The following IQGAP2 variants were observed in gnomAD, a reference collection of about 807,000 sequenced individuals.
IQGAP2 encodes the protein IQ motif containing GTPase activating protein 2, also known as ras GTPase-activating-like protein IQGAP2.
A neutral mutation model predicts 201.3 loss-of-function variants in IQGAP2; 173 were observed. The ratio of observed to expected loss-of-function variants is 0.86; its 90% CI spans 0.76 to 0.98. IQGAP2 has a LOEUF of 0.98. IQGAP2 is among the 50% of genes least tolerant of loss of function. The probability of loss-of-function intolerance (pLI) is 0.00; values close to 1 mark genes in which losing one functional copy is unlikely to be tolerated. For missense variants in IQGAP2, 1,687 were observed against 1,864.8 expected, an observed-to-expected ratio of 0.90 and a Z score of 1.76; for synonymous variants, 675 against 673.9, an observed-to-expected ratio of 1.00 and a Z score of -0.03.
chr5:76,663,481 C>T (rs1006140118), intron 21 of IQGAP2, among the ~76,000 whole-genome samples: 1 of 147,066 alleles, frequency 6.8e-6, no homozygotes, highest in African/African-American at 2.5e-5. Flanking sequence ...AAATATGAGT[C>T]GCATGCCATT....
chr5:76,684,490 T>A (rs985543525), intron 30 of IQGAP2, among the ~76,000 whole-genome samples: 6 of 152,230 alleles, frequency 3.9e-5, no homozygotes, highest in Non-Finnish European at 8.8e-5. Context: ...ATCAAGGATA[T>A]TCCACATCCA....
At chr5:76,536,778 A>AT in intron 2 of IQGAP2, among the ~76,000 whole-genome samples, 1 of 151,996 alleles carries the variant, frequency 6.6e-6, no homozygotes, top group African/African-American at 2.4e-5. Context: ...AAAAAAAAAA[A>AT]TTTGGTAAGA....
At chr5:76,517,910 A>T (rs892130228) in intron 2 of IQGAP2, among the ~76,000 whole-genome samples, 10 of 152,144 alleles carry the variant, frequency 6.6e-5, no homozygotes, top group African/African-American at 2.2e-4. Flanking sequence ...GCTGCCGATA[A>T]AGACATACCT....
At position 76,423,412 on chromosome 5, in the gene IQGAP2, G is replaced by A. The variant is rs536913926; in HGVS notation, c.46+19821G>A. ...CCTAGGCGGGTGGATCACGAGATCAGGAGTTCAAGACCAGCCTGGCCAAGG... is the reference window on the plus strand; with the variant it reads ...CCTAGGCGGGTGGATCACGAGATCAAGAGTTCAAGACCAGCCTGGCCAAGG... On this transcript the variant is annotated intron_variant, in intron 1 of 35. Coordinates refer to ENST00000274364, the MANE Select transcript of IQGAP2 (RefSeq NM_006633.5). Among the ~76,000 whole-genome samples, 15 of 152,260 alleles carry A rather than the reference G, an allele frequency of 9.9e-5. No individual in the cohort carries two copies. The South Asian group carries it at 3.1e-3, about 32-fold the overall frequency.
intron 2 of IQGAP2, among the ~76,000 whole-genome samples, chr5:76,528,622 A>G (rs1209393088): frequency 2.6e-5 from 4 of 152,224 alleles, no homozygotes; most frequent in African/African-American, 9.6e-5. Context: ...TTCAATAACA[A>G]TGAAAAGTCT....
At chr5:76,689,260 G>A (rs1746064306) in intron 30 of IQGAP2, among the ~76,000 whole-genome samples, 1 of 92,348 alleles carries the variant, frequency 1.1e-5, no homozygotes, top group Non-Finnish European at 2.3e-5. Flanking sequence ...AAAAAAACCT[G>A]GTCGAGGAAT....
intron 17 of IQGAP2, among the ~76,000 whole-genome samples, chr5:76,646,715 GT>G (rs953057367): frequency 1.3e-5 from 2 of 151,162 alleles, no homozygotes; most frequent in Admixed American, 6.6e-5. Context: ...GAAGTTTAAG[GT>G]TTTTTTTTGA....
intron 1 of IQGAP2, among the ~76,000 whole-genome samples, chr5:76,453,923 G>C (rs956546718): frequency 5.3e-5 from 8 of 152,124 alleles, no homozygotes; most frequent in Non-Finnish European, 8.8e-5. Flanking sequence ...ATTACCTTCT[G>C]TTGTTGGAGT....
At chr5:76,644,805 C>T (rs922199267) in intron 17 of IQGAP2, among the ~76,000 whole-genome samples, 1 of 152,042 alleles carries the variant, frequency 6.6e-6, no homozygotes, top group African/African-American at 2.4e-5. Flanking sequence ...AGAATTTTGG[C>T]AAATGAAAGA....
At chr5:76,629,931 C>G (rs977735847) in intron 14 of IQGAP2, among the ~76,000 whole-genome samples, 15 of 152,134 alleles carry the variant, frequency 9.9e-5, no homozygotes, top group Non-Finnish European at 1.6e-4. Context: ...AGCTACAACT[C>G]ACAGATTAAG....
intron 23 of IQGAP2, 108 bp downstream of exon 23, chr5:76,668,952 C>T (rs1403782578): frequency 1.6e-6 from 1 of 638,364 alleles, no homozygotes; most frequent in East Asian, 3.2e-5. Context: ...AAGTTATTCC[C>T]ACATATTAAA....
Position 76,704,758 on chromosome 5 carries a change from G to T in IQGAP2, c.4614+2168G>T, listed in dbSNP as rs546045758. Among the ~76,000 whole-genome samples the T allele has an allele frequency of 3.9e-5, 6 of 152,350 alleles. No homozygotes were observed. The South Asian group carries it at 1.2e-3, about 32-fold the overall frequency. On this transcript the variant is annotated intron_variant, in intron 35 of 35. Coordinates refer to ENST00000274364, the MANE Select transcript of IQGAP2 (RefSeq NM_006633.5). ...CCAGCCCTGCATTTGATAGCTGTCA[G>T]ATGTAAAGGCAGACTTCTATTTATA...
chr5:76,430,822 A>G (rs1482501335), intron 1 of IQGAP2, among the ~76,000 whole-genome samples: 1 of 152,236 alleles, frequency 6.6e-6, no homozygotes, highest in Non-Finnish European at 1.5e-5. Flanking sequence ...TGAACAGTGT[A>G]TATTGTGAAG....
intron 27 of IQGAP2, 47 bp downstream of exon 27, chr5:76,674,756 A>C: frequency 3.0e-6 from 4 of 1,350,088 alleles, no homozygotes; most frequent in Non-Finnish European, 4.2e-6. Context: ...AATGGTAGGC[A>C]AGAATAATAT....
chr5:76,629,377 A>G (rs956603931), intron 14 of IQGAP2, among the ~76,000 whole-genome samples: 1 of 152,210 alleles, frequency 6.6e-6, no homozygotes, highest in Admixed American at 6.5e-5. Context: ...ATATGATAAA[A>G]GAAAATGTGT....
intron 24 of IQGAP2, 142 bp from the exon 25 acceptor site, chr5:76,673,307 C>A: frequency 1.3e-6 from 1 of 753,356 alleles, no homozygotes; most frequent in Non-Finnish European, 2.0e-6. Flanking sequence ...TGGAGCCTCC[C>A]CTCATTTAGT....
chr5:76,612,977 A>G (rs1490606071), intron 13 of IQGAP2, among the ~76,000 whole-genome samples: 2 of 152,220 alleles, frequency 1.3e-5, no homozygotes, highest in East Asian at 3.8e-4. Context: ...CCACTGCCTC[A>G]TTGAAGGTGG....
intron 2 of IQGAP2, among the ~76,000 whole-genome samples, chr5:76,516,073 G>C (rs1429097463): frequency 2.0e-5 from 3 of 151,714 alleles, no homozygotes; most frequent in Non-Finnish European, 4.4e-5. Context: ...ACGGGGTTTT[G>C]CCATGTTGTC....
At chr5:76,510,869 C>T (rs1181270609) in intron 2 of IQGAP2, 4 of 378,502 alleles carry the variant, frequency 1.1e-5, no homozygotes, top group East Asian at 1.3e-4. Context: ...GATGCATTCT[C>T]TTTGCACCTG....
Sources: gnomAD v4.1 joint callset for allele counts (sites outside exome capture counted in the v4.1 genomes callset) on GRCh38, gnomAD v4.1.1 for gene constraint, MANE v1.5 for transcripts, NCBI Gene and HGNC (gene_info 2026-07-23, HGNC 2026-07-21) for gene names.